TET1: variants seen among roughly 807,000 people sequenced by gnomAD.
The protein encoded by TET1 is methylcytosine dioxygenase TET1.
TET1 carries 13 observed loss-of-function variants against 148.7 expected under a neutral mutation model. The ratio of observed to expected loss-of-function variants is 0.09; its 90% CI spans 0.06 to 0.14. The LOEUF is 0.14. Among genes scored for constraint, TET1 ranks in the 10% least tolerant of loss-of-function variants. The pLI is 1.00. For synonymous variants in TET1, 907 were observed against 937.2 expected (o/e 0.97, Z 0.59); for missense variants, 2,182 against 2,553.8 (o/e 0.85, Z 3.14).
chr10:68,644,254 T>TC (rs1229864051), intron 3 of TET1, among the ~76,000 whole-genome samples: 1 of 151,840 alleles, frequency 6.6e-6, no homozygotes, highest in Non-Finnish European at 1.5e-5. Flanking sequence ...CAGGCTGGAG[T>TC]ATAGTAGCAC....
intron 6 of TET1, among the ~76,000 whole-genome samples, chr10:68,657,859 A>T (rs943785556): frequency 3.9e-5 from 6 of 152,194 alleles, no homozygotes; most frequent in Non-Finnish European, 7.3e-5. Flanking sequence ...AAACAATTTT[A>T]AAAAAGAATT....
chr10:68,572,969 G>A lies in TET1; in HGVS notation c.631G>A (p.Ala211Thr), dbSNP rs777865630. ...TATCCCTACCCACAGTGGCCCTGCA[G>A]CTGAGATCCTTCCTGGGCCACTGGA... ...INIPTHSGPA[A>T]EILPGPLEGT... The change falls in exon 2 of 12, where the codon GCT becomes ACT. Residue 211 changes from alanine to threonine, a missense_variant. By Grantham distance (58) the Ala-to-Thr change is moderately conservative. Coordinates refer to ENST00000373644, the MANE Select transcript of TET1 (RefSeq NM_030625.3). 6.2e-7 allele frequency: 1 copy of A among 1,614,118 alleles called. No homozygotes were observed. The highest frequency in any genetic ancestry group is 1.7e-5 in the Admixed American group (1 of 60,008).
At chr10:68,595,919 CATATAT>C (rs374124558) in intron 2 of TET1, among the ~76,000 whole-genome samples, 1,238 of 34,438 alleles carry the variant, frequency 0.036, 54 homozygotes, top group Middle Eastern at 0.081. Flanking sequence ...CCAGCCAAAA[CATATAT>C]ATATATATAT....
chr10:68,634,498 A>G (rs1478931081), intron 3 of TET1, among the ~76,000 whole-genome samples: 1 of 152,214 alleles, frequency 6.6e-6, no homozygotes, highest in African/African-American at 2.4e-5. Flanking sequence ...ATTCATTGTG[A>G]ATGTTAACAC....
At chr10:68,690,679 AAACC>A in intron 11 of TET1, 125 bp from the exon 12 acceptor site, 1 of 879,416 alleles carries the variant, frequency 1.1e-6, no homozygotes, top group Non-Finnish European at 1.7e-6. Flanking sequence ...GAACAGAACA[AAACC>A]AACCAACACA....
Position 68,691,661 on chromosome 10 carries a change from G to A in TET1, c.6258G>A (p.Gln2086=). ...KKMKASEQKD[Q]AANEGPEQSS... is the part of the protein sequence containing the mutation. ...TGAAGGCCTCAGAGCAAAAAGACCA[G>A]GCAGCTAATGAAGGTCCAGAACAGT... Residue 2086 remains glutamine (Q), a synonymous_variant, in exon 12 of 12, where the codon CAG becomes CAA. Transcript: ENST00000373644. This position sits in a 1 kb window ranked among gnomAD's most constrained non-coding sequence, Gnocchi z 4.4. The A allele has an allele frequency of 6.2e-7, 1 of 1,614,176 alleles. No individual in the cohort carries two copies. The highest frequency in any genetic ancestry group is 8.5e-7 in the Non-Finnish European group (1 of 1,180,036).
chr10:68,653,963 T>A (rs1339207848), intron 6 of TET1, among the ~76,000 whole-genome samples: 1 of 151,322 alleles, frequency 6.6e-6, no homozygotes, highest in Non-Finnish European at 1.5e-5. Flanking sequence ...ATAAATTAGC[T>A]GGGCATGGTG....
At position 68,572,709 on chromosome 10, in the gene TET1, A is replaced by G. The variant is rs1359973500; in HGVS notation, c.371A>G (p.Lys124Arg). The G allele has an allele frequency of 6.2e-7, 1 of 1,614,024 alleles. No homozygotes were observed. Among genetic ancestry groups the G allele is most frequent in the African/African-American group, 1.3e-5 (1 of 74,892 alleles). ...TCCCAACCCCCACTGGTCGTAGCCA[A>G]ATCCAAAAAGGTTCCACTTTCTAAG... ...RLSQPPLVVAKSKKVPLSKGL... is the reference protein window; with the variant it reads ...RLSQPPLVVARSKKVPLSKGL... The change falls in exon 2 of 12, where the codon AAA becomes AGA. Residue 124 changes from lysine (K) to arginine (R), a missense_variant. This residue lies in a region of TET1 where 665 missense variants were observed against 672.4 expected (regional missense o/e 0.99). Transcript: ENST00000373644.
chr10:68,560,920 G>A (rs2053544766), intron 1 of TET1, among the ~76,000 whole-genome samples, 178 bp downstream of exon 1: 1 of 152,226 alleles, frequency 6.6e-6, no homozygotes, highest in Non-Finnish European at 1.5e-5. Context: ...CCCCCACCCC[G>A]GGACGCTCGG....
intron 1 of TET1, among the ~76,000 whole-genome samples, chr10:68,561,516 A>T (rs1010927965): frequency 2.0e-5 from 3 of 152,168 alleles, no homozygotes; most frequent in Admixed American, 6.5e-5. Context: ...CGATCCCATC[A>T]GTCCCCGTCT....
intron 6 of TET1, among the ~76,000 whole-genome samples, chr10:68,655,933 C>T (rs1157172138): frequency 5.9e-5 from 9 of 152,116 alleles, no homozygotes; most frequent in Non-Finnish European, 1.0e-4. Flanking sequence ...GTATTACCAC[C>T]TGAGCTCTGC....
At chr10:68,658,670 T>G (rs1007220525) in intron 6 of TET1, among the ~76,000 whole-genome samples, 4 of 152,182 alleles carry the variant, frequency 2.6e-5, no homozygotes, top group Non-Finnish European at 4.4e-5. Context: ...TGACTCTTTT[T>G]CTCTGCTGTC....
chr10:68,579,349 C>G (rs1043729352), intron 2 of TET1, among the ~76,000 whole-genome samples: 50 of 152,354 alleles, frequency 3.3e-4, no homozygotes, highest in African/African-American at 1.1e-3. Context: ...GCCTCCTTTG[C>G]TCATCCATCC....
Position 68,574,107 on chromosome 10 carries a change from G to T in TET1, c.1769G>T (p.Arg590Leu). ...LPTLEKKKRKRCGVCEPCQQK... is the reference protein window; with the variant it reads ...LPTLEKKKRKLCGVCEPCQQK... The stretch of plus-strand genomic sequence containing the variant: ...ACTTTGGAAAAGAAGAAAAGAAAGC[G>T]ATGTGGGGTCTGTGAACCCTGCCAG... Residue 590 changes from arginine (R) to leucine (L), a missense_variant, in exon 2 of 12, where the codon CGA becomes CTA. Physicochemically the swap from Arg to Leu is moderately radical, Grantham distance 102 (BLOSUM62 -2). Transcript: ENST00000373644. 6.2e-7 allele frequency: 1 copy of T among 1,614,098 alleles called. No individual in the cohort carries two copies. Among genetic ancestry groups the T allele is most frequent in the Non-Finnish European group, 8.5e-7 (1 of 1,180,036 alleles).
rs562977832 is a variant in TET1, at chr10:68,693,409, T to G, written c.*1595T>G. On this transcript the variant is annotated 3_prime_UTR_variant, in exon 12 of 12. Transcript: ENST00000373644. Reference sequence around the variant, plus strand: ...CCCACAACCGCTAACACTTACAATTTTGGTGCAAAAGCAAACAGTTCCAGC... The same window carrying G: ...CCCACAACCGCTAACACTTACAATTGTGGTGCAAAAGCAAACAGTTCCAGC... 4.3e-6 allele frequency: 1 copy of G among 233,334 alleles called. No individual in the cohort carries two copies. Among genetic ancestry groups the G allele is most frequent in the Admixed American group, 5.6e-5 (1 of 17,760 alleles). The allele number at this position is 233,334 out of a possible 1,614,324, so 14.5% of individuals were successfully genotyped here.
At chr10:68,639,466 C>CTATTATTATTAT (rs76248128) in intron 3 of TET1, among the ~76,000 whole-genome samples, 3 of 113,120 alleles carry the variant, frequency 2.7e-5, no homozygotes, top group African/African-American at 5.6e-5. Context: ...ACTACTACTA[C>CTATTATTATTAT]TATTATTATT....
At chr10:68,566,825 T>C (rs72797559) in intron 1 of TET1, among the ~76,000 whole-genome samples, 24,721 of 106,184 alleles carry the variant, frequency 0.23, 2,260 homozygotes, top group South Asian at 0.31. Flanking sequence ...CTCTCTCTCT[T>C]TTTTTTTTTT....
chr10:68,582,124 G>T (rs1193656181), intron 2 of TET1, among the ~76,000 whole-genome samples: 1 of 148,882 alleles, frequency 6.7e-6, no homozygotes, highest in Non-Finnish European at 1.5e-5. Flanking sequence ...TATGGAAATG[G>T]AGTTTTGCTC....
intron 1 of TET1, among the ~76,000 whole-genome samples, chr10:68,563,841 C>T (rs2457460): frequency 0.99 from 150,153 of 152,264 alleles, 74,074 homozygotes; most frequent in Middle Eastern, 1. Context: ...GCCACCACAC[C>T]TGGCTAATTT....
Sources: gnomAD v4.1 joint callset for allele counts (sites outside exome capture counted in the v4.1 genomes callset) on GRCh38, gnomAD v4.1.1 for gene constraint, gnomAD v4.1.1 regional missense constraint, Gnocchi (gnomAD v3.1) non-coding constraint, MANE v1.5 for transcripts, NCBI Gene and HGNC (gene_info 2026-07-23, HGNC 2026-07-21) for gene names.